Variants in TRIM23 observed in about 807,000 individuals in gnomAD.
TRIM23 encodes E3 ubiquitin-protein ligase TRIM23.
In TRIM23, 27 loss-of-function variants were observed where a neutral mutation model predicts 71.0. The ratio of observed to expected loss-of-function variants is 0.38; its 90% confidence interval spans 0.28 to 0.52. The LOEUF (loss-of-function observed/expected upper bound fraction) is 0.52. TRIM23 is among the 20% of genes least tolerant of loss of function. The pLI, the probability that TRIM23 is intolerant of heterozygous loss-of-function variation, is 0.84. For synonymous variants in TRIM23, 234 were observed against 238.0 expected, an observed-to-expected ratio of 0.98 and a Z score of 0.16; for missense variants, 482 against 692.3, an observed-to-expected ratio of 0.70 and a Z score of 3.41.
chr5:65,611,617 G>GT lies in TRIM23; in HGVS notation c.630dup (p.His211ThrfsTer14). On this transcript the variant is annotated frameshift_variant, in exon 4 of 11. Transcript: ENST00000231524. LOFTEE classifies it high-confidence loss of function. ...TAAATTCATACCTTGTGACCCTGGT[G>GT]TTTTCCATATTCTTTGCAGACACAG... 1.9e-6 allele frequency: 3 copies of GT among 1,613,310 alleles called. No individual in the cohort carries two copies. Among genetic ancestry groups the GT allele is most frequent in the Non-Finnish European group, 2.5e-6 (3 of 1,179,320 alleles).
chr5:65,597,184 C>A lies in TRIM23; in HGVS notation c.1180-4G>T, dbSNP rs762910611. 5 of 1,613,412 alleles carry A rather than the reference C, an allele frequency of 3.1e-6. No homozygotes were observed. The highest frequency in any genetic ancestry group is 1.3e-5 in the African/African-American group (1 of 74,888). ...GTCCAATGTGAACTCGATTATCCTA[C>A]AATTTAAATATTTTTAAATATGTTT... is the stretch of plus-strand genomic sequence containing the variant. On this transcript the variant is annotated splice_polypyrimidine_tract_variant and splice_region_variant and intron_variant, in intron 7 of 10. Transcript: ENST00000231524.
At chr5:65,606,413 T>A (rs1381933908) in intron 6 of TRIM23, among the ~76,000 whole-genome samples, 1 of 148,434 alleles carries the variant, frequency 6.7e-6, no homozygotes, top group African/African-American at 2.5e-5. Flanking sequence ...ATCACTGCAC[T>A]CTAGCTAGCC....
chr5:65,595,996 T>C (rs1454656365), intron 9 of TRIM23, among the ~76,000 whole-genome samples: 1 of 152,110 alleles, frequency 6.6e-6, no homozygotes, highest in Non-Finnish European at 1.5e-5. Context: ...TAATAACTAT[T>C]TGTGAAAGAA....
rs3836739 is a variant in TRIM23 at position 65,590,547 on chromosome 5, TAA to T, written c.*1220_*1221del. The T allele has an allele frequency of 0.019, 16,162 of 837,476 alleles. 4 individuals carry two copies. The highest frequency in any genetic ancestry group is 0.022 in the Middle Eastern group (42 of 1,896). 51.9% of individuals were successfully genotyped at this position (837,476 alleles called of 1,614,324 possible). ...ACTTCATCCTAATGTATCAGAACAT[TAA>T]AAAAAAAAAAGTCTCAATGTACCTA... is the stretch of plus-strand genomic sequence containing the variant. On this transcript the variant is annotated 3_prime_UTR_variant, in exon 11 of 11. Transcript: ENST00000231524.
At chr5:65,602,730 T>C (rs183149225) in intron 7 of TRIM23, among the ~76,000 whole-genome samples, 4 of 152,320 alleles carry the variant, frequency 2.6e-5, no homozygotes, top group Non-Finnish European at 5.9e-5. Context: ...CAAAAGGTAC[T>C]TCTTACATGG....
intron 7 of TRIM23, among the ~76,000 whole-genome samples, chr5:65,604,493 G>T (rs1754445243): frequency 6.6e-6 from 1 of 152,048 alleles, no homozygotes; most frequent in Admixed American, 6.6e-5. Context: ...TATGATATTA[G>T]GATTTGCTTC....
chr5:65,613,990 T>C, intron 3 of TRIM23, 108 bp downstream of exon 3: 1 of 1,551,306 alleles, frequency 6.4e-7, no homozygotes, highest in African/African-American at 1.4e-5. Flanking sequence ...GTTGTGTTTC[T>C]AGAAATTTAC....
intron 8 of TRIM23, among the ~76,000 whole-genome samples, chr5:65,596,790 C>T (rs1448449613): frequency 6.6e-6 from 1 of 152,008 alleles, no homozygotes; most frequent in Admixed American, 6.6e-5. Context: ...CCACAACTAC[C>T]CCCCACCCCA....
chr5:65,600,077 G>T (rs189759926), intron 7 of TRIM23, among the ~76,000 whole-genome samples: 1 of 152,032 alleles, frequency 6.6e-6, no homozygotes, highest in African/African-American at 2.4e-5. Context: ...GGGTGGGGGA[G>T]GTGCCACACA....
At chr5:65,617,868 G>A (rs2150642147) in intron 2 of TRIM23, among the ~76,000 whole-genome samples, 1 of 152,272 alleles carries the variant, frequency 6.6e-6, no homozygotes, top group East Asian at 1.9e-4. Context: ...GCTCTTTACA[G>A]ATAAGTATTG....
At chr5:65,613,013 G>A (rs1337057577) in intron 3 of TRIM23, among the ~76,000 whole-genome samples, 1 of 151,786 alleles carries the variant, frequency 6.6e-6, no homozygotes, top group Non-Finnish European at 1.5e-5. Flanking sequence ...AATTGGAAGG[G>A]GAGAAATTTA....
chr5:65,591,427 AAAG>A lies in TRIM23; in HGVS notation c.*339_*341del, dbSNP rs779748033. On this transcript the variant is annotated 3_prime_UTR_variant, in exon 11 of 11. Transcript: ENST00000231524. ...TCAATTGGCTATTCTTTTTTCACTG[AAAG>A]AATAAACCTTCACTTACCCTTTCTC... The A allele has an allele frequency of 1.9e-6, 3 of 1,591,722 alleles. No homozygotes were observed. In the Admixed American group the frequency reaches 5.3e-5, roughly 28 times the overall value.
intron 1 of TRIM23, among the ~76,000 whole-genome samples, chr5:65,620,237 A>T (rs1430579727): frequency 6.6e-6 from 1 of 152,214 alleles, no homozygotes; most frequent in African/African-American, 2.4e-5. Flanking sequence ...TTATTGAGCA[A>T]TACAGCTTCT....
At position 65,611,878 on chromosome 5, in the gene TRIM23, T is replaced by C; in HGVS notation, c.370A>G (p.Ile124Val). ...EESIGISGES[I>V]IRCDEDEAHL... Reference sequence around the variant, plus strand: ...GCTTCATCTTCATCACAACGAATGATGCTCTGATAAACAAAAAATTAATGC... The same window carrying C: ...GCTTCATCTTCATCACAACGAATGACGCTCTGATAAACAAAAAATTAATGC... Residue 124 changes from isoleucine to valine, a missense_variant, in exon 4 of 11, where the codon ATC (isoleucine) becomes GTC (valine). By Grantham distance (29) the Ile-to-Val change is conservative. Coordinates refer to ENST00000231524, the MANE Select transcript of TRIM23 (RefSeq NM_001656.4). The C allele has an allele frequency of 6.2e-7, 1 of 1,607,422 alleles. No individual in the cohort carries two copies. Among genetic ancestry groups the C allele is most frequent in the Non-Finnish European group, 8.5e-7 (1 of 1,174,592 alleles).
chr5:65,618,904 C>A (rs751313579), intron 1 of TRIM23, among the ~76,000 whole-genome samples: 27 of 152,122 alleles, frequency 1.8e-4, no homozygotes, highest in Non-Finnish European at 2.9e-4. Context: ...ATGACTTGCA[C>A]AAGGCTACAC....
chr5:65,615,547 T>C (rs1561750989), intron 2 of TRIM23, among the ~76,000 whole-genome samples: 2 of 150,900 alleles, frequency 1.3e-5, no homozygotes, highest in East Asian at 3.9e-4. Flanking sequence ...AAAGCCATTC[T>C]GTGTTGTGGT....
intron 7 of TRIM23, among the ~76,000 whole-genome samples, chr5:65,601,810 G>T (rs898705621): frequency 6.6e-6 from 1 of 152,168 alleles, no homozygotes; most frequent in East Asian, 1.9e-4. Flanking sequence ...AGCTGCCAAG[G>T]CTTGGGGATT....
intron 2 of TRIM23, 40 bp from the exon 3 acceptor site, chr5:65,614,259 T>C (rs1754726647): frequency 1.3e-6 from 2 of 1,576,180 alleles, no homozygotes; most frequent in African/African-American, 1.4e-5. Flanking sequence ...TCTAACAAAA[T>C]GGACTATTAA....
At chr5:65,617,956 T>G (rs1183949872) in intron 2 of TRIM23, 137 bp downstream of exon 2, 7 of 888,984 alleles carry the variant, frequency 7.9e-6, no homozygotes, top group Non-Finnish European at 1.1e-5. Flanking sequence ...TTATTGACCT[T>G]AATAGAAACT....
Sources: allele counts gnomAD v4.1 joint callset (sites outside exome capture counted in the v4.1 genomes callset), GRCh38; gene constraint gnomAD v4.1.1; transcripts MANE v1.5; gene names NCBI Gene and HGNC (gene_info 2026-07-23, HGNC 2026-07-21).